Variants in TFAP2A observed in about 807,000 individuals in gnomAD.
The protein encoded by TFAP2A is transcription factor AP-2 alpha, also known as transcription factor AP-2-alpha.
A neutral mutation model predicts 41.5 loss-of-function variants in TFAP2A; 7 were observed. That is an observed-to-expected ratio of 0.17 (90% CI 0.10 to 0.32). The LOEUF (loss-of-function observed/expected upper bound fraction) is 0.32. TFAP2A is among the 10% of genes least tolerant of loss of function. The pLI is 1.00. For synonymous variants in TFAP2A, 247 were observed against 242.8 expected (o/e 1.02, Z -0.16); for missense variants, 416 against 563.3 (o/e 0.74, Z 2.65).
In TFAP2A at chr6:10,404,648, G is replaced by C; in HGVS notation, c.630C>G (p.Asn210Lys). ...GACCCGGAACTGAACAGAAGACTTCGTTGGGGTTCACCACGCCGCCGAAGA... is the reference window on the plus strand; with the variant it reads ...GACCCGGAACTGAACAGAAGACTTCCTTGGGGTTCACCACGCCGCCGAAGA... Reference protein sequence around the residue: ...DNLFGGVVNPNEVFCSVPGRL... With the variant: ...DNLFGGVVNPKEVFCSVPGRL... The change falls in exon 4 of 7, where the codon AAC becomes AAG. Residue 210 changes from asparagine to lysine, a missense_variant. Asn to Lys is a moderately conservative substitution (Grantham distance 94, BLOSUM62 0). This residue lies in a region of TFAP2A where 241 missense variants were observed against 274.1 expected (regional missense o/e 0.88). Coordinates refer to ENST00000379613, the MANE Select transcript of TFAP2A (RefSeq NM_001372066.1). The C allele has an allele frequency of 6.2e-7, 1 of 1,614,210 alleles. No individual in the cohort carries two copies. Among genetic ancestry groups the C allele is most frequent in the Non-Finnish European group, 8.5e-7 (1 of 1,180,038 alleles).
chr6:10,406,479 A>C, intron 3 of TFAP2A: 1 of 422,884 alleles, frequency 2.4e-6, no homozygotes, highest in Non-Finnish European at 4.3e-6. Flanking sequence ...GCAATGGATT[A>C]AACTATCAAA....
chr6:10,401,981 T>C (rs1012328578), intron 5 of TFAP2A: 3 of 274,570 alleles, frequency 1.1e-5, no homozygotes, highest in Admixed American at 5.0e-5. Context: ...AATTGCTCAC[T>C]TTTCTTCTTC....
At position 10,397,914 on chromosome 6, in the gene TFAP2A, CTT is replaced by C. The variant is rs544361557; in HGVS notation, c.*501_*502del. On this transcript the variant is annotated 3_prime_UTR_variant, in exon 7 of 7. Coordinates refer to ENST00000379613, the MANE Select transcript of TFAP2A (RefSeq NM_001372066.1). ...TAAAAATGTTGTCATCATCTTTTGG[CTT>C]TTTTTTTTTTTTTAAGTATGGCTAC... 2.1e-3 allele frequency: 1,807 copies of C among 874,868 alleles called. No individual in the cohort carries two copies. Among genetic ancestry groups the C allele is most frequent in the Middle Eastern group, 2.4e-3 (4 of 1,682 alleles). 54.2% of individuals were successfully genotyped at this position (874,868 alleles called of 1,614,324 possible).
upstream of TFAP2A, among the ~76,000 whole-genome samples, chr6:10,416,614 T>A (rs540948967): frequency 4.6e-5 from 7 of 152,308 alleles, no homozygotes; most frequent in East Asian, 1.4e-3. Context: ...GACCTTTGAT[T>A]CATCTGGGCT....
intron 6 of TFAP2A, 44 bp downstream of exon 6, chr6:10,400,404 C>G: frequency 6.2e-7 from 1 of 1,614,034 alleles, no homozygotes; most frequent in Non-Finnish European, 8.5e-7. Context: ...TTCTCTTTCT[C>G]TTGACAACGA....
chr6:10,398,429 C>T lies in TFAP2A; in HGVS notation c.1308G>A (p.Lys436=). ...NNAKSSDKEE[K]HRK ...CGGGAGGAGAGCCTCACTTTCTGTG[C>T]TTCTCCTCTTTGTCACTGCTTTTGG... The change falls in exon 7 of 7, where the codon AAG becomes AAA. Residue 436 remains lysine, a synonymous_variant. Coordinates refer to ENST00000379613, the MANE Select transcript of TFAP2A (RefSeq NM_001372066.1). This position sits in a 1 kb window ranked among gnomAD's most constrained non-coding sequence, Gnocchi z 5.3. The T allele has an allele frequency of 6.2e-7, 1 of 1,614,152 alleles. No individual in the cohort carries two copies. The highest frequency in any genetic ancestry group is 1.1e-5 in the South Asian group (1 of 91,080).
At position 10,404,576 on chromosome 6, in the gene TFAP2A, C is replaced by A. The variant is rs975728119; in HGVS notation, c.702G>T (p.Ala234=). The A allele has an allele frequency of 6.2e-7, 1 of 1,613,992 alleles. No homozygotes were observed. The highest frequency in any genetic ancestry group is 8.5e-7 in the Non-Finnish European group (1 of 1,180,006). The change falls in exon 4 of 7, where the codon GCG becomes GCT. Residue 234 remains alanine (A), a synonymous_variant. Coordinates refer to ENST00000379613, the MANE Select transcript of TFAP2A (RefSeq NM_001372066.1). ...GTGGTGAGAGCCGCCGCTGCACTTCCGCCACCGTGACCTTGTACTTCGAGG... is the reference window on the plus strand; with the variant it reads ...GTGGTGAGAGCCGCCGCTGCACTTCAGCCACCGTGACCTTGTACTTCGAGG... ...SSTSKYKVTV[A]EVQRRLSPPE...
intron 1 of TFAP2A, among the ~76,000 whole-genome samples, chr6:10,411,301 T>C (rs538489269): frequency 6.6e-5 from 10 of 151,386 alleles, no homozygotes; most frequent in Non-Finnish European, 1.3e-4. Flanking sequence ...AAGATGAACG[T>C]GGGGAGAAAC....
rs771219549 is a variant in TFAP2A, at chr6:10,398,388, C to T, written c.*29G>A. Reference sequence around the variant, plus strand: ...GTGGGCGCGCGGGGGGCTGGTGAGGCGTGGGAGGGGCGGGGCGGGAGGAGA... The same window carrying T: ...GTGGGCGCGCGGGGGGCTGGTGAGGTGTGGGAGGGGCGGGGCGGGAGGAGA... On this transcript the variant is annotated 3_prime_UTR_variant, in exon 7 of 7. Coordinates refer to ENST00000379613, the MANE Select transcript of TFAP2A (RefSeq NM_001372066.1). The surrounding 1 kb of genome is among the most constrained non-coding windows in gnomAD (Gnocchi z 5.3). The T allele has an allele frequency of 1.1e-6, 1 of 923,238 alleles. No homozygotes were observed. Among genetic ancestry groups the T allele is most frequent in the Non-Finnish European group, 1.4e-6 (1 of 690,154 alleles). 57.2% of individuals were successfully genotyped at this position (923,238 alleles called of 1,614,324 possible). A position where few individuals can be genotyped will look rare whatever the true frequency, so the allele number is the denominator to read the frequency against.
chr6:10,404,471 CGCGGGGCGGGGCGG>C (rs749104291), intron 4 of TFAP2A, 23 bp downstream of exon 4: 6 of 1,450,098 alleles, frequency 4.1e-6, no homozygotes, highest in Admixed American at 2.4e-5. Context: ...TTCCCCCGGC[CGCGGGGCGGGGCGG>C]GCGGGGCCGT....
rs1229630753 is a variant in TFAP2A at position 10,397,994 on chromosome 6, A to G, written c.*423T>C. The stretch of plus-strand genomic sequence containing the variant: ...GTGGTGACTCAGTCCCATGAAGCGC[A>G]TATAATTTTTTTTATTTTCACTTTT... On this transcript the variant is annotated 3_prime_UTR_variant, in exon 7 of 7. Transcript: ENST00000379613. 5 of 1,062,078 alleles carry G rather than the reference A, an allele frequency of 4.7e-6. No homozygotes were observed. Among genetic ancestry groups the G allele is most frequent in the African/African-American group, 1.7e-5 (1 of 58,030 alleles). 65.8% of individuals were successfully genotyped at this position (1,062,078 alleles called of 1,614,324 possible).
chr6:10,404,666 G>C lies in TFAP2A; in HGVS notation c.612C>G (p.Gly204=). ...AGACTTCGTTGGGGTTCACCACGCCGCCGAAGAGGTTGTCCTTGTTAATAG... is the reference window on the plus strand; with the variant it reads ...AGACTTCGTTGGGGTTCACCACGCCCCCGAAGAGGTTGTCCTTGTTAATAG... ...AIPINKDNLF[G]GVVNPNEVFC... The change falls in exon 4 of 7, where the codon GGC becomes GGG. Residue 204 remains glycine, a synonymous_variant. Coordinates refer to ENST00000379613, the MANE Select transcript of TFAP2A (RefSeq NM_001372066.1). 1 of 1,614,210 alleles carries C rather than the reference G, an allele frequency of 6.2e-7. No homozygotes were observed. Among genetic ancestry groups the C allele is most frequent in the Non-Finnish European group, 8.5e-7 (1 of 1,180,022 alleles).
chr6:10,402,461 T>A, intron 5 of TFAP2A, 31 bp downstream of exon 5: 1 of 1,496,030 alleles, frequency 6.7e-7, no homozygotes, highest in Non-Finnish European at 9.3e-7. Context: ...AAGAAGGAAG[T>A]TCCTTCTAGT....
Position 10,398,737 on chromosome 6 carries a change from T to G in TFAP2A, c.1032-32A>C. 1 of 1,612,168 alleles carries G rather than the reference T, an allele frequency of 6.2e-7. No individual in the cohort carries two copies. The highest frequency in any genetic ancestry group is 8.5e-7 in the Non-Finnish European group (1 of 1,178,970). On this transcript the variant is annotated intron_variant, in intron 6 of 6. Transcript: ENST00000379613. The surrounding 1 kb of genome is among the most constrained non-coding windows in gnomAD (Gnocchi z 5.3). ...CACAAGTGGAGCAGAGAGAGAGACA[T>G]AAGGCTCCACTATGGGCAGCACTAG... is the stretch of plus-strand genomic sequence containing the variant.
At chr6:10,411,044 T>C (rs1358538069) in intron 1 of TFAP2A, 1 of 125,028 alleles carries the variant, frequency 8.0e-6, no homozygotes, top group Admixed American at 7.1e-5. Context: ...CCCGGGGCTG[T>C]GGCCCCCCCC....
chr6:10,414,806 G>A, intron 1 of TFAP2A, 135 bp downstream of exon 1: 1 of 1,217,274 alleles, frequency 8.2e-7, no homozygotes, highest in Non-Finnish European at 1.2e-6. Flanking sequence ...GGGCGAATCC[G>A]AGGGACGGGC....
At chr6:10,406,888 C>T (rs1295546299) in intron 2 of TFAP2A, 44 bp from the exon 3 acceptor site, 11 of 1,500,082 alleles carry the variant, frequency 7.3e-6, no homozygotes, top group South Asian at 3.4e-5. Flanking sequence ...ATCATCAAAA[C>T]AAAAGGAAAT....
At chr6:10,415,075 G>C (rs901375749), upstream of TFAP2A, 3 of 1,613,068 alleles carry the variant, frequency 1.9e-6, no homozygotes, top group African/African-American at 2.7e-5. Context: ...GCTGGCTGCC[G>C]GCGGTGAGCG....
chr6:10,403,405 G>T (rs558733210), intron 4 of TFAP2A, among the ~76,000 whole-genome samples: 1 of 152,220 alleles, frequency 6.6e-6, no homozygotes, highest in Non-Finnish European at 1.5e-5. Context: ...AAAGATCTGT[G>T]TCAGTGAAAG....
Sources: gnomAD v4.1 joint callset for allele counts (sites outside exome capture counted in the v4.1 genomes callset) on GRCh38, gnomAD v4.1.1 for gene constraint, gnomAD v4.1.1 regional missense constraint, Gnocchi (gnomAD v3.1) non-coding constraint, MANE v1.5 for transcripts, NCBI Gene and HGNC (gene_info 2026-07-23, HGNC 2026-07-21) for gene names.